The following ZNF528 variants were observed in gnomAD, a reference collection of about 807,000 sequenced individuals.
ZNF528 encodes the protein zinc finger protein 528.
In ZNF528, 9 loss-of-function variants were observed where a neutral mutation model predicts 13.3. The observed-to-expected ratio is 0.67, with a 90% CI of 0.41 to 1.18. ZNF528 has a LOEUF of 1.18. ZNF528 is among the 50% of genes most tolerant of loss of function. The pLI, the probability that ZNF528 is intolerant of heterozygous loss-of-function variation, is 0.01. For missense variants in ZNF528, 858 were observed against 745.4 expected, an observed-to-expected ratio of 1.15 and a Z score of -1.76; for synonymous variants, 264 against 254.3, an observed-to-expected ratio of 1.04 and a Z score of -0.36.
chr19:52,415,199 A>C lies in ZNF528; in HGVS notation c.347A>C (p.His116Pro). 6.2e-7 allele frequency: 1 copy of C among 1,613,772 alleles called. No individual in the cohort carries two copies. Among genetic ancestry groups the C allele is most frequent in the East Asian group, 2.2e-5 (1 of 44,882 alleles). The change falls in exon 7 of 7, where the codon CAT becomes CCT. Residue 116 changes from histidine (H) to proline (P), a missense_variant. His to Pro is a moderately conservative substitution (Grantham distance 77). Coordinates refer to ENST00000360465, the MANE Select transcript of ZNF528 (RefSeq NM_032423.3). ...KNQLGFTFQL[H>P]LSDLQLFQAE... is the part of the protein sequence containing the mutation. ...CAACTTGGATTCACTTTTCAGTTACATCTGAGTGATCTACAGCTATTTCAA... is the reference window on the plus strand; with the variant it reads ...CAACTTGGATTCACTTTTCAGTTACCTCTGAGTGATCTACAGCTATTTCAA...
chr19:52,418,091 T>G lies in ZNF528; in HGVS notation c.*1352T>G, dbSNP rs2608515. The G allele has an allele frequency of 0.73, 111,578 of 151,972 alleles. 42,690 individuals carry two copies. The highest frequency in any genetic ancestry group is 0.86 in the Non-Finnish European group (58,625 of 68,056). The allele number at this position is 151,972 out of a possible 1,614,324, so 9.4% of individuals were successfully genotyped here. A position where few individuals can be genotyped will look rare whatever the true frequency, so the allele number is the denominator to read the frequency against. On this transcript the variant is annotated 3_prime_UTR_variant, in exon 7 of 7. Transcript: ENST00000360465. ...CCTCCGCCTCCCGGGTTCAAGCAAT[T>G]CTCCTGCCTCAGCCTCCCAAGTAGC...
At chr19:52,397,943 A>G (rs529781719) in intron 1 of ZNF528, 39 bp downstream of exon 1, 9 of 152,346 alleles carry the variant, frequency 5.9e-5, no homozygotes, top group African/African-American at 2.2e-4. Flanking sequence ...TAGGCTAGCC[A>G]GTTCTTCTCT....
intron 4 of ZNF528, 114 bp downstream of exon 4, chr19:52,402,142 T>G: frequency 1.4e-6 from 2 of 1,464,696 alleles, no homozygotes; most frequent in Non-Finnish European, 1.9e-6. Flanking sequence ...TTGCTTGCAC[T>G]TACCCATGGC....
chr19:52,401,066 C>A (rs1029358262), intron 2 of ZNF528, among the ~76,000 whole-genome samples: 2 of 152,118 alleles, frequency 1.3e-5, no homozygotes, highest in Admixed American at 6.6e-5. Flanking sequence ...TCTGCCCACA[C>A]CCTCAGCTTT....
chr19:52,415,079 G>T, intron 6 of ZNF528, 45 bp from the exon 7 acceptor site: 1 of 1,611,936 alleles, frequency 6.2e-7, no homozygotes, highest in Non-Finnish European at 8.5e-7. Flanking sequence ...CACTAAAGAT[G>T]CCATTATCAT....
chr19:52,416,082 A>G lies in ZNF528; in HGVS notation c.1230A>G (p.Gly410=). The G allele has an allele frequency of 6.2e-7, 1 of 1,614,030 alleles. No individual in the cohort carries two copies. The highest frequency in any genetic ancestry group is 8.5e-7 in the Non-Finnish European group (1 of 1,180,032). ...QRIHTRERPY[G]CSQCGKIFSQ... is the part of the protein sequence containing the mutation. Reference sequence around the variant, plus strand: ...TTCATACTAGAGAGAGACCTTATGGATGCAGTCAGTGTGGCAAGATCTTTA... The same window carrying G: ...TTCATACTAGAGAGAGACCTTATGGGTGCAGTCAGTGTGGCAAGATCTTTA... Residue 410 remains glycine (G), a synonymous_variant, in exon 7 of 7, where the codon GGA becomes GGG. Transcript: ENST00000360465.
intron 6 of ZNF528, chr19:52,413,505 T>C (rs754503656): frequency 1.3e-5 from 2 of 152,222 alleles, no homozygotes; most frequent in Non-Finnish European, 2.9e-5. Context: ...TAGGGTATTT[T>C]CATGAATAAA....
chr19:52,401,033 A>G (rs897383274), intron 2 of ZNF528, among the ~76,000 whole-genome samples: 2 of 152,046 alleles, frequency 1.3e-5, no homozygotes, highest in East Asian at 3.9e-4. Context: ...ATGTCACCCA[A>G]TTTAGTCCTT....
At chr19:52,412,564 ATTGT>A (rs1315522107) in intron 6 of ZNF528, 2 of 152,096 alleles carry the variant, frequency 1.3e-5, no homozygotes, top group Admixed American at 6.6e-5. Flanking sequence ...GAATGCCCTG[ATTGT>A]TTGAGGGGCC....
At chr19:52,414,902 G>T (rs1343254522) in intron 6 of ZNF528, 4 of 1,467,830 alleles carry the variant, frequency 2.7e-6, no homozygotes, top group South Asian at 1.2e-5. Flanking sequence ...CTCATAGTCT[G>T]TTTCAGATTT....
At position 52,416,318 on chromosome 19, in the gene ZNF528, G is replaced by C; in HGVS notation, c.1466G>C (p.Gly489Ala). Residue 489 changes from glycine (G) to alanine (A), a missense_variant, in exon 7 of 7, where the codon GGA becomes GCA. Gly to Ala is a moderately conservative substitution (Grantham distance 60). Coordinates refer to ENST00000360465, the MANE Select transcript of ZNF528 (RefSeq NM_032423.3). ...SLTSHHRIHT[G>A]EKPYKCNRCG... is the part of the protein sequence containing the mutation. Reference sequence around the variant, plus strand: ...ACCAGTCATCATAGAATTCATACTGGAGAGAAGCCTTACAAATGTAACAGA... The same window carrying C: ...ACCAGTCATCATAGAATTCATACTGCAGAGAAGCCTTACAAATGTAACAGA... 1 of 1,614,096 alleles carries C rather than the reference G, an allele frequency of 6.2e-7. No homozygotes were observed. The highest frequency in any genetic ancestry group is 8.5e-7 in the Non-Finnish European group (1 of 1,179,986).
intron 6 of ZNF528, chr19:52,414,653 C>T: frequency 2.5e-6 from 1 of 397,334 alleles, no homozygotes; most frequent in Non-Finnish European, 4.7e-6. Flanking sequence ...ATCCTGCATT[C>T]ATGATAGTTT....
chr19:52,416,688 G>A lies in ZNF528; in HGVS notation c.1836G>A (p.Lys612=), dbSNP rs1015069283. ...CTTACAAATGCACCCTGTGCAGTAA[G>A]GTCTTCAGTCACAATTCTGACCTTG... ...EKPYKCTLCS[K]VFSHNSDLAQ... The change falls in exon 7 of 7, where the codon AAG becomes AAA. Residue 612 remains lysine (K), a synonymous_variant. Coordinates refer to ENST00000360465, the MANE Select transcript of ZNF528 (RefSeq NM_032423.3). The A allele has an allele frequency of 6.8e-6, 11 of 1,611,602 alleles. No homozygotes were observed. The African/African-American group carries it at 1.5e-4, about 22-fold the overall frequency.
At chr19:52,411,050 G>A (rs370832124) in intron 6 of ZNF528, among the ~76,000 whole-genome samples, 1 of 152,158 alleles carries the variant, frequency 6.6e-6, no homozygotes, top group East Asian at 1.9e-4. Context: ...TTGGGATTCC[G>A]TTTAACAAGA....
chr19:52,415,872 A>G lies in ZNF528; in HGVS notation c.1020A>G (p.Leu340=). 1 of 1,613,830 alleles carries G rather than the reference A, an allele frequency of 6.2e-7. No homozygotes were observed. Among genetic ancestry groups the G allele is most frequent in the Non-Finnish European group, 8.5e-7 (1 of 1,179,892 alleles). ...CGKVFSRHSY[L]AEHQTVHTGE... is the part of the protein sequence containing the mutation. Reference sequence around the variant, plus strand: ...AGGTCTTTAGTCGCCATTCATATCTAGCAGAACATCAAACGGTTCATACTG... The same window carrying G: ...AGGTCTTTAGTCGCCATTCATATCTGGCAGAACATCAAACGGTTCATACTG... The change falls in exon 7 of 7, where the codon CTA becomes CTG. Residue 340 remains leucine (L), a synonymous_variant. Transcript: ENST00000360465.
At chr19:52,409,490 T>G (rs2058902633) in intron 6 of ZNF528, among the ~76,000 whole-genome samples, 1 of 152,058 alleles carries the variant, frequency 6.6e-6, no homozygotes, top group Non-Finnish European at 1.5e-5. Flanking sequence ...TTTCCTGATT[T>G]CATTTAATTG....
At chr19:52,414,444 T>G (rs777755075) in intron 6 of ZNF528, 4 of 617,454 alleles carry the variant, frequency 6.5e-6, no homozygotes, top group Non-Finnish European at 1.2e-5. Flanking sequence ...CCTTTGTATT[T>G]TATTGGGTAA....
At chr19:52,411,548 T>C (rs2058931401) in intron 6 of ZNF528, 1 of 152,170 alleles carries the variant, frequency 6.6e-6, no homozygotes, top group African/African-American at 2.4e-5. Context: ...CTGCATTCAA[T>C]TGTTCTTTTA....
intron 4 of ZNF528, chr19:52,402,517 C>T (rs1370492695): frequency 6.2e-6 from 1 of 161,694 alleles, no homozygotes; most frequent in Non-Finnish European, 1.4e-5. Context: ...ATTTTTCCAC[C>T]TCAGCTTCTC....
Sources: allele counts gnomAD v4.1 joint callset (sites outside exome capture counted in the v4.1 genomes callset), GRCh38; gene constraint gnomAD v4.1.1; transcripts MANE v1.5; gene names NCBI Gene and HGNC (gene_info 2026-07-23, HGNC 2026-07-21).